The following TYW1 variants were observed in gnomAD, a reference collection of about 807,000 sequenced individuals.
TYW1 encodes the protein S-adenosyl-L-methionine-dependent tRNA 4-demethylwyosine synthase TYW1.
In TYW1, 46 loss-of-function variants were observed where a neutral mutation model predicts 96.2. The observed-to-expected ratio is 0.48, with a 90% CI of 0.38 to 0.61. The LOEUF (loss-of-function observed/expected upper bound fraction) is 0.61, where lower values mean the gene tolerates loss of function less well. TYW1 is among the 20% of genes least tolerant of loss of function. The probability of loss-of-function intolerance (pLI) is 0.00; values close to 1 mark genes in which losing one functional copy is unlikely to be tolerated. For synonymous variants in TYW1, 274 were observed against 323.0 expected (o/e 0.85, Z 1.63); for missense variants, 684 against 909.6 (o/e 0.75, Z 3.19).
chr7:67,237,701 C>G (rs189243504), intron 15 of TYW1, among the ~76,000 whole-genome samples: 24 of 152,134 alleles, frequency 1.6e-4, no homozygotes, highest in Admixed American at 3.9e-4. Flanking sequence ...CATTATTCCA[C>G]CGTGACTTTT....
intron 15 of TYW1, among the ~76,000 whole-genome samples, chr7:67,229,943 C>T (rs1563081782): frequency 1.3e-5 from 2 of 152,054 alleles, no homozygotes; most frequent in African/African-American, 2.4e-5. Context: ...CAGAGGAAGA[C>T]CCTGTCTCTA....
At chr7:67,016,692 C>T (rs1039648275) in intron 5 of TYW1, among the ~76,000 whole-genome samples, 5 of 152,084 alleles carry the variant, frequency 3.3e-5, no homozygotes, top group Non-Finnish European at 7.4e-5. Context: ...GGTTGGAGTT[C>T]AGTGGCTTGC....
At chr7:67,071,638 T>C (rs1242689339) in intron 10 of TYW1, among the ~76,000 whole-genome samples, 1 of 151,920 alleles carries the variant, frequency 6.6e-6, no homozygotes, top group Admixed American at 6.6e-5. Context: ...TTCTTTTTTT[T>C]GAGACAGAGT....
chr7:67,029,663 C>T (rs995190772), intron 7 of TYW1, among the ~76,000 whole-genome samples: 3 of 151,778 alleles, frequency 2.0e-5, no homozygotes, highest in African/African-American at 4.8e-5. Context: ...TCACAGAACT[C>T]CCTGAAAGCA....
chr7:67,127,241 C>T (rs10271388), intron 13 of TYW1, among the ~76,000 whole-genome samples: 41,696 of 151,162 alleles, frequency 0.28, 6,591 homozygotes, highest in African/African-American at 0.43. Flanking sequence ...TCACTGCAAC[C>T]TCCACCTCCC....
At chr7:66,997,887 C>T (rs577884199) in intron 1 of TYW1, among the ~76,000 whole-genome samples, 178 bp from the exon 2 acceptor site, 1 of 152,290 alleles carries the variant, frequency 6.6e-6, no homozygotes, top group South Asian at 2.1e-4. Context: ...CCTCAGCCAC[C>T]CAAAGTGCTG....
intron 15 of TYW1, among the ~76,000 whole-genome samples, chr7:67,222,044 A>G (rs1801407667): frequency 6.6e-6 from 1 of 151,932 alleles, no homozygotes; most frequent in African/African-American, 2.4e-5. Flanking sequence ...TAAAAATACA[A>G]AAATTGTCCA....
At chr7:67,004,148 G>A (rs1287415005) in intron 3 of TYW1, among the ~76,000 whole-genome samples, 3 of 152,182 alleles carry the variant, frequency 2.0e-5, no homozygotes, top group Admixed American at 2.0e-4. Flanking sequence ...GTAACTCCAT[G>A]TTGTTGATTC....
At position 67,083,417 on chromosome 7, in the gene TYW1, A is replaced by C. The variant is rs1234442323; in HGVS notation, c.1275-13A>C. On this transcript the variant is annotated splice_polypyrimidine_tract_variant and intron_variant, in intron 10 of 15. Coordinates refer to ENST00000359626, the MANE Select transcript of TYW1 (RefSeq NM_018264.4). ...ACAGAAGGGTCTTTTAGAACTTTGC[A>C]TCTTGTTCCTAGGCACCACACCAAC... is the stretch of plus-strand genomic sequence containing the variant. 2 of 1,613,596 alleles carry C rather than the reference A, an allele frequency of 1.2e-6. No individual in the cohort carries two copies. The highest frequency in any genetic ancestry group is 1.1e-5 in the South Asian group (1 of 91,046).
chr7:67,224,120 CTTGT>C (rs1033640106), intron 15 of TYW1, among the ~76,000 whole-genome samples: 6 of 152,250 alleles, frequency 3.9e-5, no homozygotes, highest in Admixed American at 6.5e-5. Flanking sequence ...CAAGTTGATA[CTTGT>C]TTGTTTGTTT....
intron 15 of TYW1, among the ~76,000 whole-genome samples, chr7:67,236,938 T>TGCAGTGGCACTGTCTCA (rs1467365201): frequency 2.6e-5 from 4 of 152,098 alleles, no homozygotes; most frequent in African/African-American, 9.7e-5. Flanking sequence ...GAGGCTAGAG[T>TGCAGTGGCACTGTCTCA]GCAGTGGCAC....
At chr7:67,039,664 T>G (rs536270162) in intron 7 of TYW1, among the ~76,000 whole-genome samples, 27 of 151,770 alleles carry the variant, frequency 1.8e-4, no homozygotes, top group African/African-American at 6.5e-4. Flanking sequence ...ATTATTTTTT[T>G]AATTACTTTT....
chr7:67,004,937 G>T (rs1793518482), intron 3 of TYW1, among the ~76,000 whole-genome samples: 1 of 152,112 alleles, frequency 6.6e-6, no homozygotes, highest in South Asian at 2.1e-4. Context: ...TGCATTTTTA[G>T]TAGAGATGGG....
At chr7:67,140,204 G>C (rs28572546) in intron 13 of TYW1, among the ~76,000 whole-genome samples, 34,732 of 149,630 alleles carry the variant, frequency 0.23, 2,067 homozygotes, top group African/African-American at 0.33. Context: ...CTCCTACCAG[G>C]TCCCCCCACA....
chr7:67,055,611 AAG>A (rs1562987961), intron 8 of TYW1, among the ~76,000 whole-genome samples: 3 of 143,692 alleles, frequency 2.1e-5, no homozygotes, highest in East Asian at 2.8e-4. Context: ...AAAAAAAAAA[AAG>A]ATCATTTCTT....
chr7:67,136,439 G>T (rs1305140385), intron 13 of TYW1, among the ~76,000 whole-genome samples: 2 of 152,136 alleles, frequency 1.3e-5, no homozygotes, highest in African/African-American at 4.8e-5. Flanking sequence ...ACTAGAGGAA[G>T]ATTTCATCTG....
At chr7:67,210,010 C>A (rs1185796018) in intron 15 of TYW1, among the ~76,000 whole-genome samples, 1 of 152,132 alleles carries the variant, frequency 6.6e-6, no homozygotes, top group Non-Finnish European at 1.5e-5. Flanking sequence ...ACGTGTGTTA[C>A]AATTCGTGAG....
At chr7:67,016,445 G>C (rs992138685) in intron 5 of TYW1, among the ~76,000 whole-genome samples, 12 of 151,954 alleles carry the variant, frequency 7.9e-5, no homozygotes, top group African/African-American at 2.7e-4. Context: ...TACTTGGGAG[G>C]CTGAGGCAGG....
At chr7:67,127,742 T>C (rs766693004) in intron 13 of TYW1, among the ~76,000 whole-genome samples, 2 of 152,202 alleles carry the variant, frequency 1.3e-5, no homozygotes, top group African/African-American at 4.8e-5. Context: ...TCAAGGAAGA[T>C]CTACTGGCAA....
Sources: allele counts gnomAD v4.1 joint callset (sites outside exome capture counted in the v4.1 genomes callset), GRCh38; gene constraint gnomAD v4.1.1; transcripts MANE v1.5; gene names NCBI Gene and HGNC (gene_info 2026-07-23, HGNC 2026-07-21).